ASRGL1: variants seen among roughly 807,000 people sequenced by gnomAD.
The protein encoded by ASRGL1 is isoaspartyl peptidase/L-asparaginase.
A neutral mutation model predicts 22.4 loss-of-function variants in ASRGL1; 16 were observed. That is an observed-to-expected ratio of 0.71 (90% CI 0.48 to 1.08). The LOEUF (loss-of-function observed/expected upper bound fraction) is 1.08. ASRGL1 is among the 50% of genes least tolerant of loss of function. The pLI, the probability that ASRGL1 is intolerant of heterozygous loss-of-function variation, is 0.00. For synonymous variants in ASRGL1, 165 were observed against 159.3 expected (o/e 1.04, Z -0.27); for missense variants, 412 against 410.1 (o/e 1.00, Z -0.04).
intron 4 of ASRGL1, among the ~76,000 whole-genome samples, chr11:62,363,860 A>T (rs1378523384): frequency 6.6e-6 from 1 of 152,150 alleles, no homozygotes; most frequent in South Asian, 2.1e-4. Context: ...CACGTTAAGT[A>T]TAAGAACATC....
intron 4 of ASRGL1, among the ~76,000 whole-genome samples, chr11:62,360,177 G>A (rs1301863823): frequency 4.6e-5 from 7 of 151,490 alleles, no homozygotes; most frequent in East Asian, 1.9e-4. Context: ...ACAGGTGTGC[G>A]CCACCACGCC....
intron 4 of ASRGL1, among the ~76,000 whole-genome samples, chr11:62,367,928 C>T (rs1029215419): frequency 9.9e-5 from 15 of 152,218 alleles, no homozygotes; most frequent in South Asian, 4.1e-4. Context: ...GGCAACAGAG[C>T]GAGACTCCGT....
downstream of ASRGL1, among the ~76,000 whole-genome samples, chr11:62,397,594 G>A (rs1392817235): frequency 6.6e-6 from 1 of 151,164 alleles, no homozygotes; most frequent in Non-Finnish European, 1.5e-5. Context: ...AACCCGGAAG[G>A]TGGAGACTGT....
chr11:62,371,057 A>G (rs1946746975), intron 4 of ASRGL1: 2 of 488,010 alleles, frequency 4.1e-6, no homozygotes, highest in South Asian at 4.1e-5. Context: ...AAAAAAAAAA[A>G]GCCCTCCGAT....
intron 2 of ASRGL1, among the ~76,000 whole-genome samples, chr11:62,353,537 T>A (rs1475688773): frequency 1.3e-5 from 2 of 151,906 alleles, no homozygotes; most frequent in Non-Finnish European, 2.9e-5. Context: ...GGGGTCTTGC[T>A]GTGTTGTCCA....
chr11:62,350,657 G>A (rs747993532), intron 2 of ASRGL1, among the ~76,000 whole-genome samples: 10 of 152,222 alleles, frequency 6.6e-5, no homozygotes, highest in African/African-American at 1.2e-4. Flanking sequence ...TTAGCCGGGC[G>A]TGGTGGCACA....
At chr11:62,361,481 ATTT>A (rs35345092) in intron 4 of ASRGL1, among the ~76,000 whole-genome samples, 1,343 of 101,910 alleles carry the variant, frequency 0.013, 17 homozygotes, top group African/African-American at 0.015. Context: ...AACCTGGCCA[ATTT>A]TTTTTTTTTT....
downstream of ASRGL1, among the ~76,000 whole-genome samples, chr11:62,394,295 T>G (rs1272695053): frequency 1.4e-5 from 2 of 142,918 alleles, no homozygotes; most frequent in Non-Finnish European, 3.0e-5. Context: ...TTGTATATAT[T>G]ATATATTATA....
At chr11:62,344,278 G>T (rs1168450341) in intron 2 of ASRGL1, among the ~76,000 whole-genome samples, 1 of 152,134 alleles carries the variant, frequency 6.6e-6, no homozygotes, top group Non-Finnish European at 1.5e-5. Flanking sequence ...AGTTTTAAGA[G>T]TTGTTTATAT....
At position 62,392,204 on chromosome 11, in the gene ASRGL1, A is replaced by G. The variant is rs1565177556; in HGVS notation, c.847A>G (p.Met283Val). The G allele has an allele frequency of 1.9e-6, 3 of 1,614,194 alleles. No homozygotes were observed. The African/African-American group carries it at 4.0e-5, about 22-fold the overall frequency. ...DWVAKWTSTS[M>V]PWAAAKDGKL... The stretch of plus-strand genomic sequence containing the variant: ...GGTGGCAAAGTGGACCTCCACCTCC[A>G]TGCCCTGGGCAGCCGCCAAGGACGG... Residue 283 changes from methionine (M) to valine (V), a missense_variant, in exon 7 of 7, where the codon ATG (methionine) becomes GTG (valine). Coordinates refer to ENST00000415229, the MANE Select transcript of ASRGL1 (RefSeq NM_001083926.2).
intron 2 of ASRGL1, among the ~76,000 whole-genome samples, chr11:62,343,336 CCACTG>C (rs1945916335): frequency 6.9e-6 from 1 of 145,240 alleles, no homozygotes; most frequent in African/African-American, 2.6e-5. Context: ...TGAGATCGTG[CCACTG>C]CACTCCAGCC....
chr11:62,350,588 G>T (rs564961548), intron 2 of ASRGL1, among the ~76,000 whole-genome samples: 1 of 152,184 alleles, frequency 6.6e-6, no homozygotes, highest in Non-Finnish European at 1.5e-5. Context: ...TTGAGGCCAG[G>T]AGTTCAAAAC....
intron 4 of ASRGL1, among the ~76,000 whole-genome samples, chr11:62,369,489 A>G (rs913929927): frequency 2.0e-5 from 3 of 152,186 alleles, no homozygotes; most frequent in Admixed American, 1.3e-4. Context: ...CATCATCATC[A>G]TGGCTCGTTC....
intron 4 of ASRGL1, among the ~76,000 whole-genome samples, chr11:62,360,019 CTT>C (rs112728071): frequency 9.8e-5 from 13 of 132,174 alleles, no homozygotes; most frequent in Admixed American, 2.3e-4. Flanking sequence ...TTTTGCTTTT[CTT>C]TTTTTTTTTT....
Position 62,392,322 on chromosome 11 carries a change from G to T in ASRGL1, c.*38G>T. ...TTGTATTCCAGATGCTAGCTTAGAGGTCAAGTACAGTCTCCTCATGAGACA... is the reference window on the plus strand; with the variant it reads ...TTGTATTCCAGATGCTAGCTTAGAGTTCAAGTACAGTCTCCTCATGAGACA... On this transcript the variant is annotated 3_prime_UTR_variant, in exon 7 of 7. Transcript: ENST00000415229. 6.2e-7 allele frequency: 1 copy of T among 1,602,638 alleles called. No homozygotes were observed. The highest frequency in any genetic ancestry group is 1.7e-5 in the Admixed American group (1 of 59,972).
rs56839223 is a variant in ASRGL1, at chr11:62,385,552, T to C, written c.492-3581T>C. On this transcript the variant is annotated intron_variant, in intron 4 of 6. Coordinates refer to ENST00000415229, the MANE Select transcript of ASRGL1 (RefSeq NM_001083926.2). ...TCTGCTGTTTTTATTTTGCTTTTGC[T>C]ATGGTATTTTTGCCACATAAAAGAT... 1.9e-3 allele frequency among the ~76,000 whole-genome samples: 288 copies of C among 152,370 alleles called. 1 individual carries two copies. The highest frequency in any genetic ancestry group is 6.6e-3 in the African/African-American group (274 of 41,590).
intron 4 of ASRGL1, among the ~76,000 whole-genome samples, chr11:62,373,714 G>C (rs187715387): frequency 6.6e-6 from 1 of 152,342 alleles, no homozygotes; most frequent in African/African-American, 2.4e-5. Flanking sequence ...GGCCTAGGCC[G>C]GTGTCAGTTC....
chr11:62,372,869 A>G (rs2134661212), intron 4 of ASRGL1: 1 of 1,602,966 alleles, frequency 6.2e-7, no homozygotes, highest in Non-Finnish European at 8.5e-7. Flanking sequence ...CCATGTACCC[A>G]AAAGCAGTGC....
chr11:62,385,530 G>A (rs1407322964), intron 4 of ASRGL1, among the ~76,000 whole-genome samples: 1 of 152,132 alleles, frequency 6.6e-6, no homozygotes, highest in Admixed American at 6.5e-5. Flanking sequence ...TCCCAAATCT[G>A]CTGTTTTTAT....
Sources: gnomAD v4.1 joint callset for allele counts (sites outside exome capture counted in the v4.1 genomes callset) on GRCh38, gnomAD v4.1.1 for gene constraint, MANE v1.5 for transcripts, NCBI Gene and HGNC (gene_info 2026-07-23, HGNC 2026-07-21) for gene names.